Variants in SYBU observed in about 807,000 individuals in gnomAD.
SYBU encodes the protein GOLSYN A protein.
SYBU carries 21 observed loss-of-function variants against 35.9 expected under a neutral mutation model. The observed-to-expected ratio is 0.58, with a 90% CI of 0.41 to 0.84. The LOEUF (loss-of-function observed/expected upper bound fraction) is 0.84. Ranked by LOEUF, SYBU falls within the 40% of genes least tolerant of loss-of-function variation. The pLI is 0.00. For missense variants in SYBU, 768 were observed against 848.2 expected, an observed-to-expected ratio of 0.91 and a Z score of 1.17; for synonymous variants, 319 against 324.3, an observed-to-expected ratio of 0.98 and a Z score of 0.18.
intron 3 of SYBU, among the ~76,000 whole-genome samples, chr8:109,592,339 T>C (rs975653917): frequency 2.0e-5 from 3 of 152,200 alleles, no homozygotes; most frequent in Non-Finnish European, 2.9e-5. Context: ...CAATAAGATG[T>C]TTCCAAAGAT....
At chr8:109,615,209 C>T (rs935974429) in intron 3 of SYBU, among the ~76,000 whole-genome samples, 2 of 152,106 alleles carry the variant, frequency 1.3e-5, no homozygotes, top group Non-Finnish European at 2.9e-5. Flanking sequence ...TAATTGCTTG[C>T]TATTTTAATA....
In SYBU at chr8:109,644,728, G is replaced by C. The variant is rs551850941; in HGVS notation, c.-69C>G. 70 of 1,407,764 alleles carry C rather than the reference G, an allele frequency of 5.0e-5. No homozygotes were observed. The East Asian group carries it at 2.0e-3, about 39-fold the overall frequency. 87.2% of individuals were successfully genotyped at this position (1,407,764 alleles called of 1,614,324 possible). A position where few individuals can be genotyped will look rare whatever the true frequency, so the allele number is the denominator to read the frequency against. Reference sequence around the variant, plus strand: ...CCAGGAGGAGGCACCTGCGAGCACGGAGCGAGGAGACTGCGCTGAGCCGGC... The same window carrying C: ...CCAGGAGGAGGCACCTGCGAGCACGCAGCGAGGAGACTGCGCTGAGCCGGC... On this transcript the variant is annotated 5_prime_UTR_variant, in exon 1 of 7. Coordinates refer to ENST00000276646, the MANE Select transcript of SYBU (RefSeq NM_001099754.2).
intron 3 of SYBU, among the ~76,000 whole-genome samples, chr8:109,613,091 C>G (rs1266298063): frequency 6.6e-6 from 1 of 151,952 alleles, no homozygotes; most frequent in Non-Finnish European, 1.5e-5. Flanking sequence ...TATATTTTCC[C>G]ATCTCTGTTC....
intron 2 of SYBU, among the ~76,000 whole-genome samples, chr8:109,623,829 A>G (rs1316052351): frequency 6.6e-6 from 1 of 152,198 alleles, no homozygotes; most frequent in Non-Finnish European, 1.5e-5. Flanking sequence ...CATAATTCTT[A>G]TTGTGTGAAA....
intron 1 of SYBU, among the ~76,000 whole-genome samples, chr8:109,670,611 A>C (rs2130763241): frequency 6.6e-6 from 1 of 152,174 alleles, no homozygotes; most frequent in East Asian, 1.9e-4. Context: ...GTTTTTGTGA[A>C]TACTACTGAA....
chr8:109,629,122 G>A (rs1393710916), intron 2 of SYBU, among the ~76,000 whole-genome samples: 1 of 152,144 alleles, frequency 6.6e-6, no homozygotes, highest in African/African-American at 2.4e-5. Context: ...GATGATGAGG[G>A]CAAAGGGATG....
At chr8:109,674,470 CA>C (rs1016343400) in intron 1 of SYBU, among the ~76,000 whole-genome samples, 2 of 152,128 alleles carry the variant, frequency 1.3e-5, no homozygotes, top group East Asian at 1.9e-4. Flanking sequence ...AAATCCTTTA[CA>C]GACAAGCAAA....
chr8:109,617,449 AC>A (rs1242073498), intron 3 of SYBU, among the ~76,000 whole-genome samples: 1 of 152,200 alleles, frequency 6.6e-6, no homozygotes, highest in Admixed American at 6.5e-5. Context: ...ATTGAATTGA[AC>A]ACTTTATAGG....
chr8:109,670,628 T>C (rs1816945796), intron 1 of SYBU, among the ~76,000 whole-genome samples: 1 of 152,172 alleles, frequency 6.6e-6, no homozygotes, highest in Admixed American at 6.5e-5. Flanking sequence ...TGAATGAAGA[T>C]ATAAATGGTC....
At chr8:109,590,557 C>G (rs1267421652) in intron 3 of SYBU, among the ~76,000 whole-genome samples, 1 of 151,916 alleles carries the variant, frequency 6.6e-6, no homozygotes, top group African/African-American at 2.4e-5. Flanking sequence ...ATAACACACA[C>G]ACACACATAA....
upstream of SYBU, among the ~76,000 whole-genome samples, chr8:109,648,288 A>C (rs1815924892): frequency 1.5e-5 from 2 of 132,382 alleles, no homozygotes; most frequent in South Asian, 2.1e-4. Context: ...ATATATATAT[A>C]TCTCCTGGCA....
chr8:109,598,091 TA>T (rs1825100029), intron 3 of SYBU, among the ~76,000 whole-genome samples: 1 of 152,210 alleles, frequency 6.6e-6, no homozygotes, highest in African/African-American at 2.4e-5. Context: ...TATGTTTTAA[TA>T]AGCCCTCCAG....
intron 4 of SYBU, among the ~76,000 whole-genome samples, chr8:109,581,736 G>A (rs1313987734): frequency 6.6e-6 from 1 of 152,154 alleles, no homozygotes; most frequent in Non-Finnish European, 1.5e-5. Flanking sequence ...GTGTGCATGT[G>A]GGTACACTTG....
chr8:109,586,080 C>T lies in SYBU; in HGVS notation c.510G>A (p.Lys170=). The stretch of plus-strand genomic sequence containing the variant: ...CCTACTTGCGTGAAGAAGAAGACCG[C>T]TTGCTTCCCGCAGTCGACATATGGA... ...PEVHMSTAGS[K]RSSSSRNRGP... is the part of the protein sequence containing the mutation. The change falls in exon 4 of 7, where the codon AAG becomes AAA. Residue 170 remains lysine (K), a synonymous_variant. Transcript: ENST00000276646. 1 of 1,611,278 alleles carries T rather than the reference C, an allele frequency of 6.2e-7. No homozygotes were observed. Among genetic ancestry groups the T allele is most frequent in the East Asian group, 2.2e-5 (1 of 44,848 alleles).
chr8:109,581,243 T>A (rs1420230517), intron 4 of SYBU, among the ~76,000 whole-genome samples: 1 of 152,216 alleles, frequency 6.6e-6, no homozygotes, highest in Non-Finnish European at 1.5e-5. Context: ...CCTAAAGGAC[T>A]GCTGAATAAA....
chr8:109,658,956 A>G (rs978657717), intron 1 of SYBU, among the ~76,000 whole-genome samples: 1 of 124,360 alleles, frequency 8.0e-6, no homozygotes, highest in Admixed American at 8.1e-5. Context: ...ACTCTGCCTA[A>G]AAAAAAAAAG....
intron 2 of SYBU, among the ~76,000 whole-genome samples, chr8:109,640,322 A>G (rs1025440491): frequency 2.6e-5 from 4 of 152,132 alleles, no homozygotes; most frequent in African/African-American, 9.7e-5. Context: ...GTTTGCCTTC[A>G]TATATTCTAA....
At chr8:109,679,130 A>G (rs1817310413) in intron 1 of SYBU, among the ~76,000 whole-genome samples, 1 of 152,226 alleles carries the variant, frequency 6.6e-6, no homozygotes, top group Non-Finnish European at 1.5e-5. Context: ...ATAATTCATT[A>G]GCATGTTAAA....
At chr8:109,661,713 G>C (rs1816566820) in intron 1 of SYBU, among the ~76,000 whole-genome samples, 1 of 152,180 alleles carries the variant, frequency 6.6e-6, no homozygotes, top group Non-Finnish European at 1.5e-5. Flanking sequence ...TGGAGAATAA[G>C]CCACATGTAT....
Sources: allele counts gnomAD v4.1 joint callset (sites outside exome capture counted in the v4.1 genomes callset), GRCh38; gene constraint gnomAD v4.1.1; transcripts MANE v1.5; gene names NCBI Gene and HGNC (gene_info 2026-07-23, HGNC 2026-07-21).